ITGAV: variants seen among roughly 807,000 people sequenced by gnomAD.
ITGAV encodes integrin subunit alpha V.
A neutral mutation model predicts 143.8 loss-of-function variants in ITGAV; 76 were observed. The observed-to-expected ratio is 0.53, with a 90% CI of 0.44 to 0.64. The LOEUF is 0.64. ITGAV is among the 30% of genes least tolerant of loss of function. The pLI is 0.00. For synonymous variants in ITGAV, 453 were observed against 446.7 expected, an observed-to-expected ratio of 1.01 and a Z score of -0.18; for missense variants, 1,193 against 1,274.7, an observed-to-expected ratio of 0.94 and a Z score of 0.98.
At chr2:186,653,182 T>A (rs1217537509) in intron 15 of ITGAV, among the ~76,000 whole-genome samples, 1 of 152,014 alleles carries the variant, frequency 6.6e-6, no homozygotes, top group Non-Finnish European at 1.5e-5. Flanking sequence ...CCTGACCTCA[T>A]GATCCACCCG....
chr2:186,600,215 C>T, intron 1 of ITGAV: 1 of 899,522 alleles, frequency 1.1e-6, no homozygotes, highest in Admixed American at 2.4e-5. Flanking sequence ...CTTTGTAGCT[C>T]CTGGAGATTC....
At chr2:186,602,244 A>T in intron 2 of ITGAV, 93 bp downstream of exon 2, 1 of 974,850 alleles carries the variant, frequency 1.0e-6, no homozygotes, top group South Asian at 1.8e-5. Context: ...TAATACAATT[A>T]TATAGATAAG....
chr2:186,591,033 A>T (rs1686602845), intron 1 of ITGAV, among the ~76,000 whole-genome samples: 1 of 152,166 alleles, frequency 6.6e-6, no homozygotes, highest in African/African-American at 2.4e-5. Flanking sequence ...CTCCTTTTGC[A>T]GACATTCTGA....
chr2:186,641,009 T>C, intron 11 of ITGAV, 42 bp downstream of exon 11: 3 of 1,381,726 alleles, frequency 2.2e-6, no homozygotes, highest in Non-Finnish European at 3.0e-6. Flanking sequence ...TATCTTCTCA[T>C]GTTTACGAAT....
intron 26 of ITGAV, among the ~76,000 whole-genome samples, chr2:186,671,183 A>G (rs763523701): frequency 6.6e-6 from 1 of 152,098 alleles, no homozygotes; most frequent in Non-Finnish European, 1.5e-5. Context: ...TGTATGCTAT[A>G]GAAGCCCCAG....
intron 26 of ITGAV, among the ~76,000 whole-genome samples, chr2:186,674,615 G>A (rs1464669973): frequency 1.3e-5 from 2 of 151,902 alleles, no homozygotes; most frequent in Non-Finnish European, 2.9e-5. Flanking sequence ...AGGTTCAAGC[G>A]ATTCTCCTGC....
At chr2:186,625,300 A>T (rs988750840) in intron 3 of ITGAV, among the ~76,000 whole-genome samples, 173 bp from the exon 4 acceptor site, 4 of 152,160 alleles carry the variant, frequency 2.6e-5, no homozygotes, top group African/African-American at 9.7e-5. Context: ...TGAGCTCAGG[A>T]GTTCAAGGCT....
At chr2:186,611,023 A>C (rs1318318076) in intron 2 of ITGAV, among the ~76,000 whole-genome samples, 3 of 152,186 alleles carry the variant, frequency 2.0e-5, no homozygotes, top group Non-Finnish European at 4.4e-5. Context: ...TCACTGGGCC[A>C]AATCAAGGTG....
At chr2:186,655,476 G>T (rs1246771974) in intron 16 of ITGAV, among the ~76,000 whole-genome samples, 1 of 152,192 alleles carries the variant, frequency 6.6e-6, no homozygotes, top group Non-Finnish European at 1.5e-5. Context: ...AGCGGAAAAT[G>T]TGCTCAGTGG....
At chr2:186,596,801 A>G (rs748180308) in intron 1 of ITGAV, among the ~76,000 whole-genome samples, 10 of 152,174 alleles carry the variant, frequency 6.6e-5, no homozygotes, top group Non-Finnish European at 1.3e-4. Flanking sequence ...GCTTCCTCGT[A>G]AGACTTTAAC....
intron 10 of ITGAV, among the ~76,000 whole-genome samples, chr2:186,640,670 A>C (rs567133709): frequency 2.6e-5 from 4 of 152,162 alleles, no homozygotes; most frequent in Admixed American, 2.6e-4. Flanking sequence ...ACAACACTGG[A>C]AGGATATACA....
chr2:186,632,024 C>A (rs892269970), intron 5 of ITGAV, among the ~76,000 whole-genome samples: 7 of 152,084 alleles, frequency 4.6e-5, no homozygotes, highest in African/African-American at 1.7e-4. Context: ...AAGACCCAGT[C>A]TCAATGTTTT....
chr2:186,604,238 A>C (rs1425278475), intron 2 of ITGAV, among the ~76,000 whole-genome samples: 1 of 151,950 alleles, frequency 6.6e-6, no homozygotes, highest in Non-Finnish European at 1.5e-5. Context: ...ATATGTATGC[A>C]TCCTTGAAAA....
intron 5 of ITGAV, among the ~76,000 whole-genome samples, chr2:186,631,224 A>G (rs1437512159): frequency 6.6e-6 from 1 of 152,174 alleles, no homozygotes; most frequent in African/African-American, 2.4e-5. Context: ...AAAGCTATCA[A>G]TGAGAGCTTT....
intron 18 of ITGAV, among the ~76,000 whole-genome samples, chr2:186,661,757 C>T (rs530532497): frequency 2.0e-5 from 3 of 151,958 alleles, no homozygotes; most frequent in Middle Eastern, 3.4e-3. Context: ...CCACCACGCC[C>T]GGCTAATTTT....
intron 24 of ITGAV, 140 bp downstream of exon 24, chr2:186,667,916 G>A (rs1688945031): frequency 7.3e-6 from 3 of 413,596 alleles, no homozygotes; most frequent in Non-Finnish European, 1.3e-5. Context: ...AGATTTCTTT[G>A]AATATTTTCC....
At chr2:186,646,542 A>G (rs2105718855) in intron 12 of ITGAV, 144 bp from the exon 13 acceptor site, 1 of 573,938 alleles carries the variant, frequency 1.7e-6, no homozygotes, top group South Asian at 2.7e-5. Context: ...TAAGATCTGT[A>G]CAAATAATTA....
intron 2 of ITGAV, among the ~76,000 whole-genome samples, chr2:186,612,081 G>C (rs1480039549): frequency 6.6e-6 from 1 of 152,116 alleles, no homozygotes; most frequent in East Asian, 1.9e-4. Context: ...ATACGGAAAA[G>C]GAAAGAAATA....
chr2:186,671,342 C>G (rs1305603432), intron 26 of ITGAV, among the ~76,000 whole-genome samples: 2 of 152,258 alleles, frequency 1.3e-5, no homozygotes, highest in Admixed American at 6.5e-5. Flanking sequence ...TTACTATTCT[C>G]TTTCTCAAAT....
Sources: gnomAD v4.1 joint callset for allele counts (sites outside exome capture counted in the v4.1 genomes callset) on GRCh38, gnomAD v4.1.1 for gene constraint, MANE v1.5 for transcripts, NCBI Gene and HGNC (gene_info 2026-07-23, HGNC 2026-07-21) for gene names.